ARMH4: variants seen among roughly 807,000 people sequenced by gnomAD.
ARMH4 encodes armadillo-like helical domain-containing protein 4.
A neutral mutation model predicts 61.9 loss-of-function variants in ARMH4; 49 were observed. The observed-to-expected ratio is 0.79, with a 90% CI of 0.63 to 1.00. ARMH4 has a LOEUF of 1.00. Ranked by LOEUF, ARMH4 falls within the 50% of genes least tolerant of loss-of-function variation. ARMH4 has a pLI of 0.00. For missense variants in ARMH4, 934 were observed against 930.0 expected (o/e 1.00, Z -0.06); for synonymous variants, 368 against 341.5 (o/e 1.08, Z -0.85).
At chr14:58,007,347 T>G (rs7158608) in intron 6 of ARMH4, among the ~76,000 whole-genome samples, 1 of 152,102 alleles carries the variant, frequency 6.6e-6, no homozygotes, top group African/African-American at 2.4e-5. Context: ...AAATTTATAT[T>G]TATATTTGTA....
At chr14:58,011,662 G>GA (rs1464979238) in intron 6 of ARMH4, among the ~76,000 whole-genome samples, 1 of 149,502 alleles carries the variant, frequency 6.7e-6, no homozygotes, top group African/African-American at 2.5e-5. Flanking sequence ...TGCAAAAAAA[G>GA]AAAATCTTTA....
chr14:58,141,976 G>A (rs971730907), intron 1 of ARMH4, among the ~76,000 whole-genome samples: 1 of 152,014 alleles, frequency 6.6e-6, no homozygotes, highest in Admixed American at 6.5e-5. Flanking sequence ...AATTATTGTA[G>A]TATTTGAAAT....
intron 4 of ARMH4, among the ~76,000 whole-genome samples, chr14:58,127,175 T>C (rs933398256): frequency 1.3e-5 from 2 of 152,206 alleles, no homozygotes; most frequent in Non-Finnish European, 2.9e-5. Flanking sequence ...GCGGGCCTTT[T>C]GAAACAAATG....
chr14:58,017,273 C>T (rs1882649640), intron 5 of ARMH4, among the ~76,000 whole-genome samples: 1 of 152,150 alleles, frequency 6.6e-6, no homozygotes, highest in Non-Finnish European at 1.5e-5. Context: ...GTGTTCATGC[C>T]ACTGCACTCC....
intron 5 of ARMH4, among the ~76,000 whole-genome samples, chr14:58,047,038 G>A (rs1324545665): frequency 6.6e-6 from 1 of 152,174 alleles, no homozygotes; most frequent in East Asian, 1.9e-4. Context: ...CAGTTTGACA[G>A]GCTCAGATTA....
At chr14:58,115,516 A>G (rs758771022) in intron 4 of ARMH4, among the ~76,000 whole-genome samples, 13 of 152,288 alleles carry the variant, frequency 8.5e-5, no homozygotes, top group Non-Finnish European at 1.6e-4. Flanking sequence ...CAGTTTGGAG[A>G]TTTCTCAAAG....
At chr14:58,027,096 C>T (rs971528083) in intron 5 of ARMH4, among the ~76,000 whole-genome samples, 1 of 152,190 alleles carries the variant, frequency 6.6e-6, no homozygotes, top group Non-Finnish European at 1.5e-5. Flanking sequence ...CTTCACTCCT[C>T]ACAATAATGG....
chr14:58,116,517 A>C lies in ARMH4; in HGVS notation c.1831+14995T>G, dbSNP rs557697298. The C allele has an allele frequency of 2.7e-4, 66 of 242,980 alleles. 1 individual carries two copies. Among genetic ancestry groups the C allele is most frequent in the Middle Eastern group, 1.5e-3 (1 of 648 alleles). The allele number at this position is 242,980 out of a possible 1,614,324, so 15.1% of individuals were successfully genotyped here. ...TGGTGAAACCCCGTCTCTACAAAAA[A>C]ATACAAAAGTTGGCTGGGTGGGGTG... On this transcript the variant is annotated intron_variant, in intron 4 of 7. Coordinates refer to ENST00000267485, the MANE Select transcript of ARMH4 (RefSeq NM_001001872.4).
chr14:58,027,488 G>A (rs1343756818), intron 5 of ARMH4, among the ~76,000 whole-genome samples: 2 of 152,172 alleles, frequency 1.3e-5, no homozygotes, highest in African/African-American at 4.8e-5. Context: ...AGAGGTTGGT[G>A]TGACTCTTTG....
chr14:58,092,701 A>G (rs1222206657), intron 5 of ARMH4, among the ~76,000 whole-genome samples: 1 of 152,002 alleles, frequency 6.6e-6, no homozygotes, highest in East Asian at 1.9e-4. Flanking sequence ...CCATCATCAC[A>G]TCTTCTTCTC....
intron 5 of ARMH4, among the ~76,000 whole-genome samples, chr14:58,029,249 T>C (rs1052262073): frequency 9.3e-4 from 141 of 151,948 alleles, no homozygotes; most frequent in Non-Finnish European, 1.7e-3. Context: ...TTTTTTTTTT[T>C]CCAGATGGAG....
At chr14:58,098,477 A>C (rs2141266512) in intron 4 of ARMH4, among the ~76,000 whole-genome samples, 1 of 152,358 alleles carries the variant, frequency 6.6e-6, no homozygotes, top group East Asian at 1.9e-4. Flanking sequence ...ACTCTCATTA[A>C]AACTGGCAAG....
At chr14:58,018,968 A>C (rs923370419) in intron 5 of ARMH4, among the ~76,000 whole-genome samples, 1 of 152,242 alleles carries the variant, frequency 6.6e-6, no homozygotes, top group Non-Finnish European at 1.5e-5. Context: ...TATCATTTGC[A>C]GCAACATGGA....
At chr14:58,029,754 TG>T (rs936963996) in intron 5 of ARMH4, among the ~76,000 whole-genome samples, 3 of 152,190 alleles carry the variant, frequency 2.0e-5, no homozygotes, top group African/African-American at 7.2e-5. Context: ...ACGTTGCTGG[TG>T]GGAACATAAA....
chr14:58,071,240 T>C (rs1884874581), intron 5 of ARMH4, among the ~76,000 whole-genome samples: 1 of 151,738 alleles, frequency 6.6e-6, no homozygotes, highest in African/African-American at 2.4e-5. Context: ...AGAAAAGTTG[T>C]TAATGATTCA....
chr14:58,032,077 C>T (rs1012386421), intron 5 of ARMH4, among the ~76,000 whole-genome samples: 4 of 152,130 alleles, frequency 2.6e-5, no homozygotes, highest in Non-Finnish European at 4.4e-5. Context: ...ACCTTTTCTT[C>T]TCCCGGCTCA....
At chr14:58,025,122 T>C (rs1433050663) in intron 5 of ARMH4, among the ~76,000 whole-genome samples, 1 of 152,054 alleles carries the variant, frequency 6.6e-6, no homozygotes, top group Non-Finnish European at 1.5e-5. Context: ...TTTTAAGAAA[T>C]GCAATATCTG....
At chr14:58,042,041 A>T (rs1160529245) in intron 5 of ARMH4, among the ~76,000 whole-genome samples, 1 of 152,118 alleles carries the variant, frequency 6.6e-6, no homozygotes, top group African/African-American at 2.4e-5. Context: ...GACCAACGAG[A>T]CAGAAAGTTA....
At chr14:58,112,627 A>G (rs567210415) in intron 4 of ARMH4, among the ~76,000 whole-genome samples, 154 of 152,246 alleles carry the variant, frequency 1.0e-3, no homozygotes, top group African/African-American at 3.6e-3. Flanking sequence ...TTCTTCTTGC[A>G]TCTCAGTCCC....
Sources: allele counts gnomAD v4.1 joint callset (sites outside exome capture counted in the v4.1 genomes callset), GRCh38; gene constraint gnomAD v4.1.1; transcripts MANE v1.5; gene names NCBI Gene and HGNC (gene_info 2026-07-23, HGNC 2026-07-21).